Variants in SCHIP1 observed in about 807,000 individuals in gnomAD.
The protein encoded by SCHIP1 is schwannomin interacting protein 1, also known as schwannomin-interacting protein 1.
Under a neutral mutation model 29.7 loss-of-function variants are expected in SCHIP1, and 8 were observed. The observed-to-expected ratio is 0.27, with a 90% CI of 0.16 to 0.49. The LOEUF (loss-of-function observed/expected upper bound fraction) is 0.49. Among genes scored for constraint, SCHIP1 ranks in the 20% least tolerant of loss-of-function variants. The pLI is 0.99. For missense variants in SCHIP1, 193 were observed against 294.6 expected (o/e 0.66, Z 2.52); for synonymous variants, 76 against 94.9 (o/e 0.80, Z 1.16).
the SCHIP1 span, among the ~76,000 whole-genome samples, chr3:159,384,092 C>T: frequency 1.3e-5 from 2 of 148,936 alleles, no homozygotes; most frequent in South Asian, 2.1e-4. Context: ...TAATTGAATA[C>T]CCTTTATTTC....
At chr3:159,639,178 C>T in the SCHIP1 span, among the ~76,000 whole-genome samples, 1 of 152,128 alleles carries the variant, frequency 6.6e-6, no homozygotes, top group African/African-American at 2.4e-5. Context: ...TTAGCAGGCA[C>T]ATATCAGATC....
the SCHIP1 span, among the ~76,000 whole-genome samples, chr3:159,415,930 A>T: frequency 6.6e-5 from 10 of 152,348 alleles, no homozygotes; most frequent in Admixed American, 1.3e-4. Context: ...TTCAGTGCAC[A>T]TGCCGAAGAT....
At chr3:159,301,201 T>C in the SCHIP1 span, among the ~76,000 whole-genome samples, 1 of 152,032 alleles carries the variant, frequency 6.6e-6, no homozygotes, top group Admixed American at 6.6e-5. Context: ...TACCCCCCAT[T>C]TTGCAGGTGA....
chr3:159,609,587 T>TA, the SCHIP1 span, among the ~76,000 whole-genome samples: 6 of 152,040 alleles, frequency 3.9e-5, no homozygotes. Context: ...TTGTAAGTGA[T>TA]AAGTGCCACT....
At chr3:159,410,666 A>G in the SCHIP1 span, among the ~76,000 whole-genome samples, 5 of 152,132 alleles carry the variant, frequency 3.3e-5, no homozygotes, top group Admixed American at 3.3e-4. Context: ...ATCCTTGTAC[A>G]CTGTCGGTAG....
At chr3:159,758,971 A>T in the SCHIP1 span, among the ~76,000 whole-genome samples, 1 of 152,204 alleles carries the variant, frequency 6.6e-6, no homozygotes, top group South Asian at 2.1e-4. Flanking sequence ...TTCTGTAAGC[A>T]CTGTAGTGTT....
At chr3:159,642,696 G>A in the SCHIP1 span, among the ~76,000 whole-genome samples, 1 of 152,036 alleles carries the variant, frequency 6.6e-6, no homozygotes, top group South Asian at 2.1e-4. Flanking sequence ...AAATATTGGG[G>A]GACACAGGGA....
chr3:159,730,952 G>A, the SCHIP1 span, among the ~76,000 whole-genome samples: 1 of 152,170 alleles, frequency 6.6e-6, no homozygotes, highest in Non-Finnish European at 1.5e-5. Context: ...TCCATGCTGG[G>A]AGTTAATCAG....
At chr3:159,473,117 A>G in the SCHIP1 span, among the ~76,000 whole-genome samples, 1 of 152,234 alleles carries the variant, frequency 6.6e-6, no homozygotes, top group African/African-American at 2.4e-5. Flanking sequence ...AAACAGTTAT[A>G]ACAGTTGTAT....
chr3:159,508,894 G>A, the SCHIP1 span, among the ~76,000 whole-genome samples: 18 of 152,092 alleles, frequency 1.2e-4, no homozygotes, highest in African/African-American at 3.9e-4. Flanking sequence ...CCAACTATGT[G>A]GTCGATTTTG....
At chr3:159,511,890 C>A in the SCHIP1 span, among the ~76,000 whole-genome samples, 1 of 152,084 alleles carries the variant, frequency 6.6e-6, no homozygotes, top group Non-Finnish European at 1.5e-5. Flanking sequence ...AACTTTAAAT[C>A]TTTTATTAGG....
At chr3:159,326,538 T>C in the SCHIP1 span, among the ~76,000 whole-genome samples, 1 of 152,196 alleles carries the variant, frequency 6.6e-6, no homozygotes, top group African/African-American at 2.4e-5. Flanking sequence ...AAGGTCCAGT[T>C]ATTTTATTAA....
At chr3:159,877,101 C>T (rs922873525) in intron 2 of SCHIP1, among the ~76,000 whole-genome samples, 2 of 152,204 alleles carry the variant, frequency 1.3e-5, no homozygotes, top group Non-Finnish European at 2.9e-5. Flanking sequence ...GTAATCCCAG[C>T]ACTTTAGGAG....
chr3:159,697,333 T>C, the SCHIP1 span, among the ~76,000 whole-genome samples: 1 of 152,148 alleles, frequency 6.6e-6, no homozygotes, highest in Non-Finnish European at 1.5e-5. Context: ...AAACTGGGAA[T>C]TTTTGGATGG....
At chr3:159,402,115 A>G in the SCHIP1 span, among the ~76,000 whole-genome samples, 6 of 152,194 alleles carry the variant, frequency 3.9e-5, no homozygotes, top group South Asian at 2.1e-4. Context: ...CAAAAAGTGG[A>G]CGAAGGATAT....
chr3:159,456,940 C>T, the SCHIP1 span, among the ~76,000 whole-genome samples: 1 of 152,102 alleles, frequency 6.6e-6, no homozygotes, highest in Non-Finnish European at 1.5e-5. Context: ...AAAAACATAA[C>T]ATTGTGTTCA....
At chr3:159,529,153 G>A in the SCHIP1 span, among the ~76,000 whole-genome samples, 2 of 152,206 alleles carry the variant, frequency 1.3e-5, no homozygotes, top group Non-Finnish European at 1.5e-5. Flanking sequence ...TCAGGCATGT[G>A]TGATGGCAAA....
chr3:159,469,001 C>T, the SCHIP1 span, among the ~76,000 whole-genome samples: 1 of 151,634 alleles, frequency 6.6e-6, no homozygotes, highest in African/African-American at 2.4e-5. Flanking sequence ...CTCCTGACCT[C>T]GTGATCTGCT....
intron 1 of SCHIP1, among the ~76,000 whole-genome samples, chr3:159,858,750 G>A (rs1713689524): frequency 6.6e-6 from 1 of 152,142 alleles, no homozygotes; most frequent in African/African-American, 2.4e-5. Flanking sequence ...TTCCCCTTGG[G>A]TGCCCATCCT....
Sources: gnomAD v4.1 joint callset for allele counts (sites outside exome capture counted in the v4.1 genomes callset) on GRCh38, gnomAD v4.1.1 for gene constraint, MANE v1.5 for transcripts, NCBI Gene and HGNC (gene_info 2026-07-23, HGNC 2026-07-21) for gene names.